The following TMC7 variants were observed in gnomAD, a reference collection of about 807,000 sequenced individuals.
TMC7 encodes the protein transmembrane channel like 7.
A neutral mutation model predicts 82.9 loss-of-function variants in TMC7; 54 were observed. The ratio of observed to expected loss-of-function variants is 0.65; its 90% CI spans 0.52 to 0.82. The LOEUF is 0.82. TMC7 is among the 40% of genes least tolerant of loss of function. The pLI, the probability that TMC7 is intolerant of heterozygous loss-of-function variation, is 0.00. For synonymous variants in TMC7, 350 were observed against 337.9 expected, an observed-to-expected ratio of 1.04 and a Z score of -0.39; for missense variants, 820 against 901.2, an observed-to-expected ratio of 0.91 and a Z score of 1.15.
At chr16:18,997,925 G>A (rs529117328) in intron 1 of TMC7, among the ~76,000 whole-genome samples, 3 of 151,894 alleles carry the variant, frequency 2.0e-5, no homozygotes, top group Admixed American at 2.0e-4. Context: ...GTAGAGACGG[G>A]GTTTCACCAT....
In TMC7 at chr16:19,040,414, T is replaced by C. The variant is rs1187012506; in HGVS notation, c.1305T>C (p.Ser435=). Residue 435 remains serine, a synonymous_variant, in exon 9 of 16, where the codon TCT becomes TCC. Transcript: ENST00000304381. The part of the protein sequence containing the change: ...FAKIIRYEDY[S]PGFEIRLTIL... Reference sequence around the variant, plus strand: ...AGATCATCCGCTATGAGGATTATTCTCCAGGCTTTGAGATCCGTCTGACAA... The same window carrying C: ...AGATCATCCGCTATGAGGATTATTCCCCAGGCTTTGAGATCCGTCTGACAA... The C allele has an allele frequency of 6.2e-7, 1 of 1,612,922 alleles. No homozygotes were observed. Among genetic ancestry groups the C allele is most frequent in the African/African-American group, 1.3e-5 (1 of 74,880 alleles).
At chr16:18,996,167 G>A (rs2039040877) in intron 1 of TMC7, among the ~76,000 whole-genome samples, 1 of 152,112 alleles carries the variant, frequency 6.6e-6, no homozygotes, top group Non-Finnish European at 1.5e-5. Context: ...AGCGGCTGAG[G>A]AAGAATTGGG....
chr16:19,047,192 AC>A lies in TMC7; in HGVS notation c.1687del (p.Leu563PhefsTer8). ...TCTGCTGGATCGGAGCCTTTTTCTC[AC>A]CCCTTCTCCCTGCAATTGCAACCCT... ...TICWIGAFFSPLLPAIATLKF... is the reference protein window; with the variant it reads ...TICWIGAFFSXLLPAIATLKF... On this transcript the variant is annotated frameshift_variant, in exon 12 of 16. Coordinates refer to ENST00000304381, the MANE Select transcript of TMC7 (RefSeq NM_024847.4). LOFTEE classifies it high-confidence loss of function. 6.2e-7 allele frequency: 1 copy of A among 1,613,456 alleles called. No homozygotes were observed. The highest frequency in any genetic ancestry group is 2.2e-5 in the East Asian group (1 of 44,828).
intron 1 of TMC7, among the ~76,000 whole-genome samples, chr16:18,986,999 GTTT>G (rs2038862658): frequency 6.6e-6 from 1 of 151,908 alleles, no homozygotes; most frequent in South Asian, 2.1e-4. Context: ...TAGAGACAGG[GTTT>G]CACCGTCTTA....
Position 19,062,152 on chromosome 16 carries a change from T to C in TMC7, c.*309T>C. The C allele has an allele frequency of 3.5e-6, 1 of 285,260 alleles. No homozygotes were observed. Among genetic ancestry groups the C allele is most frequent in the Non-Finnish European group, 6.5e-6 (1 of 154,068 alleles). 17.7% of individuals were successfully genotyped at this position (285,260 alleles called of 1,614,324 possible). On this transcript the variant is annotated 3_prime_UTR_variant, in exon 16 of 16. Transcript: ENST00000304381. ...AAGAGCGGAGACGGTAGTTTAGTAT[T>C]TGAGCCACGAGTTTATGTGCACAAG... is the stretch of plus-strand genomic sequence containing the variant.
At chr16:19,049,789 A>G (rs1051908768) in intron 12 of TMC7, 1 of 311,154 alleles carries the variant, frequency 3.2e-6, no homozygotes, top group African/African-American at 2.2e-5. Context: ...CTGGCTCACA[A>G]GATGTTCCGG....
rs1020637274 is a variant in TMC7, at chr16:18,988,529, G to A, written c.67+4399G>A. The stretch of plus-strand genomic sequence containing the variant: ...TGGTCCCAAACTCCTGAGTTCAATC[G>A]ATCTTCCTGCCTTGGTCTCCCAAAG... On this transcript the variant is annotated intron_variant, in intron 1 of 15. Coordinates refer to ENST00000304381, the MANE Select transcript of TMC7 (RefSeq NM_024847.4). Among the ~76,000 whole-genome samples the A allele has an allele frequency of 2.6e-5, 4 of 151,978 alleles. 1 individual carries two copies. Among genetic ancestry groups the A allele is most frequent in the South Asian group, 4.1e-4 (2 of 4,824 alleles).
intron 8 of TMC7, among the ~76,000 whole-genome samples, chr16:19,038,458 G>A (rs370950526): frequency 6.6e-6 from 1 of 152,098 alleles, no homozygotes; most frequent in African/African-American, 2.4e-5. Context: ...ACCTCCCAAA[G>A]TGCTGGGATT....
intron 9 of TMC7, among the ~76,000 whole-genome samples, chr16:19,043,919 G>A (rs1265899707): frequency 6.6e-6 from 1 of 151,664 alleles, no homozygotes. Flanking sequence ...GCCCAGGCTG[G>A]AGTGTAGTGG....
chr16:18,996,818 C>A (rs1032284649), intron 1 of TMC7, among the ~76,000 whole-genome samples: 2 of 152,180 alleles, frequency 1.3e-5, no homozygotes, highest in African/African-American at 4.8e-5. Context: ...GGCAGGCATC[C>A]CTGCGGTGAT....
intron 13 of TMC7, among the ~76,000 whole-genome samples, chr16:19,054,812 T>G (rs1423812137): frequency 6.7e-6 from 1 of 149,078 alleles, no homozygotes; most frequent in Non-Finnish European, 1.5e-5. Context: ...TGTCACCATC[T>G]TGGCTCATTG....
intron 5 of TMC7, among the ~76,000 whole-genome samples, chr16:19,029,636 A>G (rs1960412527): frequency 6.6e-6 from 1 of 151,284 alleles, no homozygotes; most frequent in Non-Finnish European, 1.5e-5. Context: ...CGGCCTTCCA[A>G]GGTGCTGGGA....
chr16:19,032,178 T>C (rs1960548349), intron 6 of TMC7, among the ~76,000 whole-genome samples: 1 of 152,170 alleles, frequency 6.6e-6, no homozygotes, highest in African/African-American at 2.4e-5. Context: ...CATGGAGCTG[T>C]GAAGCTCCTT....
At chr16:18,992,217 T>A (rs2038964162) in intron 1 of TMC7, among the ~76,000 whole-genome samples, 1 of 152,210 alleles carries the variant, frequency 6.6e-6, no homozygotes, top group Non-Finnish European at 1.5e-5. Flanking sequence ...CCACCAACAG[T>A]GTAAAAGTGT....
intron 12 of TMC7, 58 bp from the exon 13 acceptor site, chr16:19,051,628 T>A: frequency 6.3e-7 from 1 of 1,597,104 alleles, no homozygotes; most frequent in Admixed American, 1.7e-5. Context: ...TGCACTTATT[T>A]ATCTTCACAG....
intron 6 of TMC7, among the ~76,000 whole-genome samples, chr16:19,031,265 A>G (rs899144973): frequency 6.6e-6 from 1 of 152,086 alleles, no homozygotes; most frequent in Non-Finnish European, 1.5e-5. Flanking sequence ...CCCAGCCGTG[A>G]CCCTTCCACC....
At chr16:19,051,898 A>ATT (rs200146213) in intron 13 of TMC7, 82 bp downstream of exon 13, 879 of 1,304,602 alleles carry the variant, frequency 6.7e-4, no homozygotes, top group Non-Finnish European at 7.5e-4. Context: ...GTCATATCAC[A>ATT]TTTTTTTTTT....
At chr16:18,987,571 A>C (rs1440156893) in intron 1 of TMC7, among the ~76,000 whole-genome samples, 4 of 151,702 alleles carry the variant, frequency 2.6e-5, no homozygotes, top group Non-Finnish European at 5.9e-5. Context: ...CTCCCAAAGT[A>C]CTGGGATTAC....
rs377727159 is a variant in TMC7 at position 19,009,347 on chromosome 16, C to T, written c.243C>T (p.Ile81=). Residue 81 remains isoleucine, a synonymous_variant, in exon 2 of 16, where the codon ATC becomes ATT. Transcript: ENST00000304381. ...ACAGCTCCCAGCTGGAGGACAGAAT[C>T]GCTGAAAACCTCAGCAGCCATTCTC... The part of the protein sequence containing the change: ...DSYSSQLEDR[I]AENLSSHSLR... 1.9e-5 allele frequency: 30 copies of T among 1,614,050 alleles called. No homozygotes were observed. The African/African-American group carries it at 2.3e-4, about 12-fold the overall frequency.
Sources: gnomAD v4.1 joint callset for allele counts (sites outside exome capture counted in the v4.1 genomes callset) on GRCh38, gnomAD v4.1.1 for gene constraint, MANE v1.5 for transcripts, NCBI Gene and HGNC (gene_info 2026-07-23, HGNC 2026-07-21) for gene names.